Variants in TSHZ2 observed in about 807,000 individuals in gnomAD.
TSHZ2 encodes the protein teashirt zinc finger homeobox 2.
In TSHZ2, 21 loss-of-function variants were observed where a neutral mutation model predicts 74.4. That is an observed-to-expected ratio of 0.28 (90% CI 0.20 to 0.41). The LOEUF is 0.41. Ranked by LOEUF, TSHZ2 falls within the 10% of genes least tolerant of loss-of-function variation. The pLI is 1.00. For synonymous variants in TSHZ2, 540 were observed against 515.3 expected (o/e 1.05, Z -0.65); for missense variants, 1,244 against 1,293.5 (o/e 0.96, Z 0.59).
chr20:53,394,245 T>C (rs1311251059), intron 2 of TSHZ2, among the ~76,000 whole-genome samples: 3 of 152,114 alleles, frequency 2.0e-5, no homozygotes, highest in East Asian at 3.8e-4. Context: ...GAACAGAACA[T>C]AGAATCCCAT....
chr20:53,020,622 G>C (rs950994345), intron 1 of TSHZ2, among the ~76,000 whole-genome samples: 11 of 152,166 alleles, frequency 7.2e-5, no homozygotes, highest in Non-Finnish European at 1.6e-4. Flanking sequence ...TCCTGGGCCA[G>C]GGGTGAATAT....
intron 2 of TSHZ2, among the ~76,000 whole-genome samples, chr20:53,329,369 T>G (rs938974021): frequency 6.6e-6 from 1 of 152,230 alleles, no homozygotes; most frequent in Non-Finnish European, 1.5e-5. Flanking sequence ...TTCTCTTTGC[T>G]TCCTACAAAG....
intron 2 of TSHZ2, among the ~76,000 whole-genome samples, chr20:53,470,903 T>C (rs1381180787): frequency 6.6e-6 from 1 of 152,236 alleles, no homozygotes. Context: ...TTAGGAGTCA[T>C]GTGTCCTGAC....
intron 1 of TSHZ2, among the ~76,000 whole-genome samples, chr20:53,204,875 T>G (rs1406549061): frequency 2.7e-5 from 4 of 150,326 alleles, no homozygotes; most frequent in Non-Finnish European, 5.9e-5. Context: ...AGGTCAGGAG[T>G]TCAAGACTAG....
At chr20:53,466,999 G>GCTAA (rs769257928) in intron 2 of TSHZ2, among the ~76,000 whole-genome samples, 1 of 152,198 alleles carries the variant, frequency 6.6e-6, no homozygotes, top group African/African-American at 2.4e-5. Context: ...TCTCCCACTT[G>GCTAA]CTAACTATCT....
chr20:53,419,274 C>T (rs530879094), intron 2 of TSHZ2, among the ~76,000 whole-genome samples: 1 of 152,288 alleles, frequency 6.6e-6, no homozygotes, highest in East Asian at 1.9e-4. Flanking sequence ...ATCTGGGCTA[C>T]TTTTACTAAC....
chr20:53,352,185 C>T (rs1980668392), intron 2 of TSHZ2, among the ~76,000 whole-genome samples: 2 of 149,096 alleles, frequency 1.3e-5, no homozygotes, highest in Admixed American at 1.3e-4. Context: ...TTGGTTGGGG[C>T]CAGCTCTTTA....
In TSHZ2 at chr20:53,488,674, G is replaced by T. The variant is rs193253176; in HGVS notation, c.*1539G>T. 27 of 271,136 alleles carry T rather than the reference G, an allele frequency of 1.0e-4. No individual in the cohort carries two copies. Among genetic ancestry groups the T allele is most frequent in the African/African-American group, 5.9e-4 (26 of 44,052 alleles). 16.8% of individuals were successfully genotyped at this position (271,136 alleles called of 1,614,324 possible). ...GAACTAGGTGATTCTGAAACAAAAGGAATATTTTCTGTTGTTGCTTTAATT... is the reference window on the plus strand; with the variant it reads ...GAACTAGGTGATTCTGAAACAAAAGTAATATTTTCTGTTGTTGCTTTAATT... On this transcript the variant is annotated 3_prime_UTR_variant, in exon 3 of 3. Coordinates refer to ENST00000371497, the MANE Select transcript of TSHZ2 (RefSeq NM_173485.6).
In TSHZ2 at chr20:53,488,977, A is replaced by AATG; in HGVS notation, c.*1844_*1846dup. On this transcript the variant is annotated 3_prime_UTR_variant, in exon 3 of 3. Coordinates refer to ENST00000371497, the MANE Select transcript of TSHZ2 (RefSeq NM_173485.6). ...GCTTCGGGGAAGGAGGGAAAAAGTA[A>AATG]ATGAAGTTCCAGGAATGTCATTCTG... 2.2e-6 allele frequency: 1 copy of AATG among 456,188 alleles called. No individual in the cohort carries two copies. The highest frequency in any genetic ancestry group is 1.5e-5 in the South Asian group (1 of 64,568). 28.3% of individuals were successfully genotyped at this position (456,188 alleles called of 1,614,324 possible).
In TSHZ2 at chr20:53,001,205, C is replaced by CGTGTGTGT. The variant is rs558621179; in HGVS notation, c.40+27915_40+27922dup. Reference sequence around the variant, plus strand: ...ACAATGTTGTGTGTGCGTTCATGTGCGTGTGTGTGTGTGTGTGTGTGTGTG... The same window carrying CGTGTGTGT: ...ACAATGTTGTGTGTGCGTTCATGTGCGTGTGTGTGTGTGTGTGTGTGTGTGTGTGTGTG... On this transcript the variant is annotated intron_variant, in intron 1 of 2. Coordinates refer to ENST00000371497, the MANE Select transcript of TSHZ2 (RefSeq NM_173485.6). 9.2e-3 allele frequency among the ~76,000 whole-genome samples: 864 copies of CGTGTGTGT among 94,190 alleles called. 10 individuals are homozygous for CGTGTGTGT. Among genetic ancestry groups the CGTGTGTGT allele is most frequent in the South Asian group, 0.036 (102 of 2,816 alleles). 61.8% of individuals were successfully genotyped at this position (94,190 alleles called of 152,430 possible).
intron 2 of TSHZ2, among the ~76,000 whole-genome samples, chr20:53,303,177 C>G (rs1978380479): frequency 6.6e-6 from 1 of 152,188 alleles, no homozygotes; most frequent in South Asian, 2.1e-4. Flanking sequence ...TGCACGTGCT[C>G]TTTAAGAAAA....
chr20:53,358,669 T>A (rs1381417429), intron 2 of TSHZ2, among the ~76,000 whole-genome samples: 2 of 152,074 alleles, frequency 1.3e-5, no homozygotes, highest in Admixed American at 6.6e-5. Flanking sequence ...TGAAAAAAAA[T>A]TTACTTCCAA....
At chr20:53,183,044 A>G (rs1453126417) in intron 1 of TSHZ2, among the ~76,000 whole-genome samples, 1 of 152,166 alleles carries the variant, frequency 6.6e-6, no homozygotes, top group Non-Finnish European at 1.5e-5. Context: ...ACATGCAAGC[A>G]ATGAGGTTGA....
intron 1 of TSHZ2, among the ~76,000 whole-genome samples, chr20:53,217,629 A>G (rs1327717161): frequency 1.3e-5 from 2 of 152,160 alleles, no homozygotes; most frequent in Non-Finnish European, 2.9e-5. Flanking sequence ...AAAGCGGTAA[A>G]GCTCTGCCAC....
chr20:53,069,997 T>C (rs560644259), intron 1 of TSHZ2, among the ~76,000 whole-genome samples: 84 of 152,288 alleles, frequency 5.5e-4, no homozygotes, highest in Non-Finnish European at 7.9e-4. Context: ...AGTATGCACC[T>C]CTGAGCCAGG....
intron 2 of TSHZ2, among the ~76,000 whole-genome samples, chr20:53,454,713 C>CCCAATTGT (rs756888971): frequency 6.6e-6 from 1 of 152,190 alleles, no homozygotes; most frequent in Non-Finnish European, 1.5e-5. Flanking sequence ...CTGAAACCCT[C>CCCAATTGT]CCAATTGTCC....
At position 53,074,945 on chromosome 20, in the gene TSHZ2, C is replaced by G. The variant is rs59389222; in HGVS notation, c.40+101612C>G. Among the ~76,000 whole-genome samples, 1 of 152,214 alleles carries G rather than the reference C, an allele frequency of 6.6e-6. No individual in the cohort carries two copies. The highest frequency in any genetic ancestry group is 1.5e-5 in the Non-Finnish European group (1 of 68,030). On this transcript the variant is annotated intron_variant, in intron 1 of 2. Coordinates refer to ENST00000371497, the MANE Select transcript of TSHZ2 (RefSeq NM_173485.6). The surrounding 1 kb of genome is among the most constrained non-coding windows in gnomAD (Gnocchi z 5.9). ...TGACCTTGCAGGTCAGTGTTTTTCC[C>G]ACTCAACCACAGATGTTTTATGTCC...
At chr20:53,185,815 TTTAA>T in intron 1 of TSHZ2, 3 of 1,104,002 alleles carry the variant, frequency 2.7e-6, no homozygotes, top group African/African-American at 1.6e-5. Flanking sequence ...GTATCAGTAA[TTTAA>T]TTGAGTTTTT....
intron 1 of TSHZ2, among the ~76,000 whole-genome samples, chr20:53,153,230 A>G (rs2123445308): frequency 6.6e-6 from 1 of 152,302 alleles, no homozygotes; most frequent in South Asian, 2.1e-4. Flanking sequence ...GTAGCGAGGC[A>G]AGCATAAATG....
Sources: gnomAD v4.1 joint callset for allele counts (sites outside exome capture counted in the v4.1 genomes callset) on GRCh38, gnomAD v4.1.1 for gene constraint, Gnocchi (gnomAD v3.1) non-coding constraint, MANE v1.5 for transcripts, NCBI Gene and HGNC (gene_info 2026-07-23, HGNC 2026-07-21) for gene names.